Variants in PDCD11 observed in about 807,000 individuals in gnomAD.
PDCD11 encodes programmed cell death 11, also known as protein RRP5 homolog.
In PDCD11, 97 loss-of-function variants were observed where a neutral mutation model predicts 198.9. The ratio of observed to expected loss-of-function variants is 0.49; its 90% CI spans 0.41 to 0.58. The LOEUF (loss-of-function observed/expected upper bound fraction) is 0.58. Ranked by LOEUF, PDCD11 falls within the 20% of genes least tolerant of loss-of-function variation. The pLI, the probability that PDCD11 is intolerant of heterozygous loss-of-function variation, is 0.00. For missense variants in PDCD11, 2,102 were observed against 2,312.7 expected (o/e 0.91, Z 1.87); for synonymous variants, 893 against 918.0 (o/e 0.97, Z 0.49).
chr10:103,406,470 A>G, intron 6 of PDCD11, 139 bp from the exon 7 acceptor site: 1 of 709,796 alleles, frequency 1.4e-6, no homozygotes, highest in East Asian at 2.7e-5. Flanking sequence ...TTGGCCCCTT[A>G]AAGATTGGGA....
chr10:103,443,053 T>C (rs1254596166), intron 32 of PDCD11, 112 bp from the exon 33 acceptor site: 7 of 918,822 alleles, frequency 7.6e-6, no homozygotes, highest in Middle Eastern at 3.6e-4. Flanking sequence ...GGGTGGGATC[T>C]GAGGACACAG....
intron 6 of PDCD11, 48 bp downstream of exon 6, chr10:103,406,156 TG>T: frequency 6.3e-7 from 1 of 1,597,722 alleles, no homozygotes. Flanking sequence ...GTGGTACATG[TG>T]GGGATTATAT....
rs534548685 is a variant in PDCD11, at chr10:103,410,948, G to A, written c.978+1142G>A. 3.9e-5 allele frequency among the ~76,000 whole-genome samples: 6 copies of A among 152,020 alleles called. No homozygotes were observed. In the South Asian group the frequency reaches 1.3e-3, roughly 32 times the overall value. On this transcript the variant is annotated intron_variant, in intron 8 of 35. Coordinates refer to ENST00000369797, the MANE Select transcript of PDCD11 (RefSeq NM_014976.2). The stretch of plus-strand genomic sequence containing the variant: ...AAATTAGCCAGACCTGGTGGTGCGT[G>A]CCTGTAGTCCCAGCTACTCGGGAGA...
intron 4 of PDCD11, among the ~76,000 whole-genome samples, chr10:103,404,459 C>A (rs989951185): frequency 1.3e-5 from 2 of 151,990 alleles, no homozygotes; most frequent in African/African-American, 4.8e-5. Context: ...TCACCACACC[C>A]AGCTAATTTT....
chr10:103,397,494 G>A (rs1008878721), intron 1 of PDCD11, among the ~76,000 whole-genome samples: 1 of 152,094 alleles, frequency 6.6e-6, no homozygotes, highest in Non-Finnish European at 1.5e-5. Flanking sequence ...GGAGTGCGGC[G>A]GCATGATCTC....
At chr10:103,445,329 A>C (rs1355540610) in intron 35 of PDCD11, 49 bp from the exon 36 acceptor site, 4 of 1,594,700 alleles carry the variant, frequency 2.5e-6, no homozygotes, top group Middle Eastern at 1.8e-4. Flanking sequence ...GGCAGGAAGC[A>C]CGTGACCTGG....
At chr10:103,408,016 G>A (rs1298282347) in intron 7 of PDCD11, among the ~76,000 whole-genome samples, 1 of 152,136 alleles carries the variant, frequency 6.6e-6, no homozygotes, top group Non-Finnish European at 1.5e-5. Flanking sequence ...ACCACACCTG[G>A]CCTACTATGA....
chr10:103,413,176 C>T lies in PDCD11; in HGVS notation c.1039C>T (p.Pro347Ser), dbSNP rs757828372. 15 of 1,614,166 alleles carry T rather than the reference C, an allele frequency of 9.3e-6. No individual in the cohort carries two copies. The highest frequency in any genetic ancestry group is 1.3e-5 in the African/African-American group (1 of 75,034). ...CAGAGTTGTGCACCTGAGCCTGCGC[C>T]CCATCTTCCTACAGCCTGGACGCCC... ...RTRVVHLSLR[P>S]IFLQPGRPLT... The change falls in exon 9 of 36, where the codon CCC becomes TCC. Residue 347 changes from proline (P) to serine (S), a missense_variant. Physicochemically the swap from Pro to Ser is moderately conservative, Grantham distance 74. Transcript: ENST00000369797.
At chr10:103,408,331 ATTC>A (rs763800794) in intron 7 of PDCD11, among the ~76,000 whole-genome samples, 3 of 151,602 alleles carry the variant, frequency 2.0e-5, no homozygotes, top group African/African-American at 2.4e-5. Flanking sequence ...GGTCCCATGT[ATTC>A]TTCTTTTTGG....
At chr10:103,406,249 T>C in intron 6 of PDCD11, 141 bp downstream of exon 6, 1 of 928,504 alleles carries the variant, frequency 1.1e-6, no homozygotes, top group East Asian at 2.5e-5. Flanking sequence ...CACTTAATCC[T>C]AGTTAATAGG....
At chr10:103,404,333 C>T (rs1002654109) in intron 4 of PDCD11, among the ~76,000 whole-genome samples, 1 of 151,872 alleles carries the variant, frequency 6.6e-6, no homozygotes, top group Non-Finnish European at 1.5e-5. Context: ...GAGTCTCACT[C>T]TTTAGCCCAG....
At position 103,438,806 on chromosome 10, in the gene PDCD11, T is replaced by A; in HGVS notation, c.4023T>A (p.Phe1341Leu). 1 of 1,613,868 alleles carries A rather than the reference T, an allele frequency of 6.2e-7. No homozygotes were observed. The highest frequency in any genetic ancestry group is 8.5e-7 in the Non-Finnish European group (1 of 1,179,998). ...VGSIQPHGVF[F>L]RLGPSVVGLA... ...CCATCCAGCCACACGGTGTGTTCTT[T>A]CGGTGAGTGAGGGGGGCTCTGCACC... The change falls in exon 27 of 36, where the codon TTT becomes TTA. Residue 1341 changes from phenylalanine to leucine, a missense_variant and splice_region_variant. By Grantham distance (22) the Phe-to-Leu change is conservative. Coordinates refer to ENST00000369797, the MANE Select transcript of PDCD11 (RefSeq NM_014976.2).
At chr10:103,410,823 C>A (rs1272709194) in intron 8 of PDCD11, among the ~76,000 whole-genome samples, 1 of 151,398 alleles carries the variant, frequency 6.6e-6, no homozygotes, top group Admixed American at 6.6e-5. Context: ...CGCCTATAAT[C>A]CCAGCACTTT....
chr10:103,442,326 T>C lies in PDCD11; in HGVS notation c.4821T>C (p.Asp1607=). ...GGCGGCAGCCAGAGTCCGCGGATGA[T>C]TTTGACCGACTGGTGCTGAGCTCCC... ...DPGRQPESAD[D]FDRLVLSSPN... The change falls in exon 32 of 36, where the codon GAT becomes GAC. Residue 1607 remains aspartate, a synonymous_variant. Transcript: ENST00000369797. 1 of 1,614,160 alleles carries C rather than the reference T, an allele frequency of 6.2e-7. No individual in the cohort carries two copies. The highest frequency in any genetic ancestry group is 8.5e-7 in the Non-Finnish European group (1 of 1,180,014).
chr10:103,401,456 A>C lies in PDCD11; in HGVS notation c.234+928A>C, dbSNP rs929152073. ...TGGCTAATTTTTGTATTTTTAATAG[A>C]GACGGGGTTTCACCATGTTGGTCAG... On this transcript the variant is annotated intron_variant, in intron 3 of 35. Transcript: ENST00000369797. 6.6e-5 allele frequency among the ~76,000 whole-genome samples: 10 copies of C among 151,916 alleles called. No individual in the cohort carries two copies. In the South Asian group the frequency reaches 1.9e-3, roughly 28 times the overall value.
intron 12 of PDCD11, among the ~76,000 whole-genome samples, chr10:103,415,783 C>T (rs72847551): frequency 1.1e-4 from 16 of 152,274 alleles, no homozygotes; most frequent in Non-Finnish European, 1.9e-4. Context: ...GTGTTCTAGG[C>T]ACAGAAATAG....
intron 7 of PDCD11, 106 bp from the exon 8 acceptor site, chr10:103,409,593 A>C (rs1329403016): frequency 1.4e-6 from 1 of 730,458 alleles, no homozygotes; most frequent in Admixed American, 2.2e-5. Context: ...GAGGAGAGAT[A>C]CACAGTTAGG....
At chr10:103,421,597 G>T in intron 17 of PDCD11, 30 bp downstream of exon 17, 1 of 1,481,040 alleles carries the variant, frequency 6.8e-7, no homozygotes, top group Non-Finnish European at 9.2e-7. Context: ...GGGGAGGTGG[G>T]CCAGGGGTGG....
At chr10:103,433,727 G>A (rs2032031380) in intron 22 of PDCD11, among the ~76,000 whole-genome samples, 1 of 152,186 alleles carries the variant, frequency 6.6e-6, no homozygotes, top group East Asian at 1.9e-4. Context: ...GACCCTGGAA[G>A]AGATGCACAT....
Sources: gnomAD v4.1 joint callset for allele counts (sites outside exome capture counted in the v4.1 genomes callset) on GRCh38, gnomAD v4.1.1 for gene constraint, MANE v1.5 for transcripts, NCBI Gene and HGNC (gene_info 2026-07-23, HGNC 2026-07-21) for gene names.